The following DYRK1A variants were observed in gnomAD, a reference collection of about 807,000 sequenced individuals.
The protein encoded by DYRK1A is dual specificity tyrosine phosphorylation regulated kinase 1A, also known as dual specificity tyrosine-phosphorylation-regulated kinase 1A.
A neutral mutation model predicts 79.7 loss-of-function variants in DYRK1A; 9 were observed. That is an observed-to-expected ratio of 0.11 (90% CI 0.07 to 0.20). The LOEUF is 0.20. DYRK1A is among the 10% of genes least tolerant of loss of function. The pLI is 1.00. For synonymous variants in DYRK1A, 349 were observed against 329.7 expected, an observed-to-expected ratio of 1.06 and a Z score of -0.63; for missense variants, 622 against 956.0, an observed-to-expected ratio of 0.65 and a Z score of 4.61.
chr21:37,376,893 G>A (rs2049553686), intron 1 of DYRK1A, among the ~76,000 whole-genome samples: 1 of 151,998 alleles, frequency 6.6e-6, no homozygotes, highest in South Asian at 2.1e-4. Flanking sequence ...AATAATAACT[G>A]TTCAGTTTTT....
At chr21:37,490,701 T>TA (rs1444505883) in intron 7 of DYRK1A, among the ~76,000 whole-genome samples, 1 of 151,830 alleles carries the variant, frequency 6.6e-6, no homozygotes, top group African/African-American at 2.4e-5. Context: ...ATGTAGCACT[T>TA]AATTACCTTG....
intron 2 of DYRK1A, among the ~76,000 whole-genome samples, chr21:37,463,173 A>G (rs957691355): frequency 1.3e-4 from 17 of 131,268 alleles, no homozygotes; most frequent in South Asian, 2.5e-4. Context: ...TTGTGTGTGC[A>G]TGTGTGTGTG....
rs1368094615 is a variant in DYRK1A at position 37,514,579 on chromosome 21, TA to T, written c.*2051del. 1 of 152,626 alleles carries T rather than the reference TA, an allele frequency of 6.6e-6. No individual in the cohort carries two copies. The highest frequency in any genetic ancestry group is 1.5e-5 in the Non-Finnish European group (1 of 68,018). 9.5% of individuals were successfully genotyped at this position (152,626 alleles called of 1,614,324 possible). ...ATGTAAACAGTGAGAAAAGAAAGGC[TA>T]AACACTATGTAAATGTGAATGGAAA... is the stretch of plus-strand genomic sequence containing the variant. On this transcript the variant is annotated 3_prime_UTR_variant, in exon 12 of 12. Coordinates refer to ENST00000647188, the MANE Select transcript of DYRK1A (RefSeq NM_001347721.2).
intron 1 of DYRK1A, among the ~76,000 whole-genome samples, chr21:37,372,981 T>C (rs2049462909): frequency 6.6e-6 from 1 of 152,210 alleles, no homozygotes; most frequent in Non-Finnish European, 1.5e-5. Context: ...ATTGTAAATT[T>C]AATTTCTCCA....
chr21:37,470,286 C>T (rs143819389), intron 2 of DYRK1A, among the ~76,000 whole-genome samples: 2,087 of 152,160 alleles, frequency 0.014, 26 homozygotes, highest in Non-Finnish European at 0.023. Context: ...TTCCCCGTTT[C>T]GTGACACAGA....
chr21:37,419,074 T>G (rs1289685388), intron 1 of DYRK1A: 1 of 152,174 alleles, frequency 6.6e-6, no homozygotes, highest in African/African-American at 2.4e-5. Context: ...CTCAAATCTA[T>G]ATTATGACCC....
intron 2 of DYRK1A, among the ~76,000 whole-genome samples, chr21:37,459,518 T>A (rs1349072841): frequency 2.2e-4 from 22 of 98,622 alleles, no homozygotes. Context: ...TGAAAGTACT[T>A]TCTGTCTCAC....
At position 37,525,756 on chromosome 21, in the gene DYRK1A, T is replaced by A. The variant is rs2053963870; in HGVS notation, c.*13225T>A. 1 of 152,218 alleles carries A rather than the reference T, an allele frequency of 6.6e-6. No individual in the cohort carries two copies. The highest frequency in any genetic ancestry group is 2.1e-4 in the South Asian group (1 of 4,834). 9.4% of individuals were successfully genotyped at this position (152,218 alleles called of 1,614,324 possible). On this transcript the variant is annotated 3_prime_UTR_variant, in exon 12 of 12. Transcript: ENST00000647188. ...TGGACTTCACTATCAACAGCTCTCA[T>A]GAATTTTTGTCAGAAATATTAGCTG...
Position 37,506,147 on chromosome 21 carries a change from C to T in DYRK1A, c.1568C>T (p.Thr523Met), listed in dbSNP as rs148756105. 1.3e-4 allele frequency: 203 copies of T among 1,613,942 alleles called. No homozygotes were observed. The highest frequency in any genetic ancestry group is 5.3e-4 in the East Asian group (24 of 44,896). The change falls in exon 11 of 12, where the codon ACG becomes ATG. Residue 523 changes from threonine (T) to methionine (M), a missense_variant. Physicochemically the swap from Thr to Met is moderately conservative, Grantham distance 81. Transcript: ENST00000647188. ...SNSGRARSDP[T>M]HQHRHSGGHF... The stretch of plus-strand genomic sequence containing the variant: ...AGTGGGAGAGCCCGGTCGGATCCGA[C>T]GCACCAGCATCGGCACAGTGGTGGG...
chr21:37,495,429 G>A (rs2053238950), intron 8 of DYRK1A, among the ~76,000 whole-genome samples: 1 of 152,138 alleles, frequency 6.6e-6, no homozygotes, highest in Admixed American at 6.5e-5. Flanking sequence ...AGGCCAAGGT[G>A]GACAGATCAT....
intron 2 of DYRK1A, among the ~76,000 whole-genome samples, chr21:37,464,730 C>G (rs1332261829): frequency 6.6e-6 from 1 of 152,016 alleles, no homozygotes; most frequent in Non-Finnish European, 1.5e-5. Context: ...TTTTTGTAAG[C>G]CAAGGGTAGT....
At chr21:37,442,006 TAA>T (rs2051120711) in intron 2 of DYRK1A, among the ~76,000 whole-genome samples, 12 of 151,432 alleles carry the variant, frequency 7.9e-5, no homozygotes, top group Admixed American at 7.9e-4. Context: ...TATGGAACTC[TAA>T]ATGACACTTT....
intron 1 of DYRK1A, among the ~76,000 whole-genome samples, chr21:37,380,930 CT>C (rs770616103): frequency 6.6e-6 from 1 of 152,186 alleles, no homozygotes; most frequent in Non-Finnish European, 1.5e-5. Flanking sequence ...GGGATCATCA[CT>C]TCTATCAGCT....
chr21:37,422,381 T>C (rs886275964), intron 2 of DYRK1A, among the ~76,000 whole-genome samples: 1 of 152,210 alleles, frequency 6.6e-6, no homozygotes, highest in Non-Finnish European at 1.5e-5. Flanking sequence ...TTTATTCGAC[T>C]GATAGAATTT....
At chr21:37,486,746 C>G in intron 6 of DYRK1A, 132 bp downstream of exon 6, 3 of 911,794 alleles carry the variant, frequency 3.3e-6, no homozygotes, top group Non-Finnish European at 3.0e-6. Context: ...TTCTGTTGGA[C>G]AGCAAGATTT....
chr21:37,440,766 T>A (rs1388839969), intron 2 of DYRK1A, among the ~76,000 whole-genome samples: 1 of 152,202 alleles, frequency 6.6e-6, no homozygotes, highest in Non-Finnish European at 1.5e-5. Flanking sequence ...AGAGAACGTA[T>A]TTTGAATAAC....
intron 5 of DYRK1A, among the ~76,000 whole-genome samples, chr21:37,483,074 C>T (rs56365552): frequency 0.062 from 9,411 of 152,118 alleles, 1,024 homozygotes; most frequent in African/African-American, 0.21. Context: ...TCCTCCTCAG[C>T]TTACGAAAAT....
chr21:37,387,435 C>T (rs567270473), intron 1 of DYRK1A, among the ~76,000 whole-genome samples: 15 of 152,224 alleles, frequency 9.9e-5, no homozygotes, highest in East Asian at 3.9e-4. Context: ...TATTTCCATT[C>T]GCTTTGTTTT....
chr21:37,524,068 G>A lies in DYRK1A; in HGVS notation c.*11537G>A, dbSNP rs1196157381. 6.6e-6 allele frequency: 1 copy of A among 152,098 alleles called. No homozygotes were observed. Among genetic ancestry groups the A allele is most frequent in the African/African-American group, 2.4e-5 (1 of 41,376 alleles). 9.4% of individuals were successfully genotyped at this position (152,098 alleles called of 1,614,324 possible). A position where few individuals can be genotyped will look rare whatever the true frequency, so the allele number is the denominator to read the frequency against. On this transcript the variant is annotated 3_prime_UTR_variant, in exon 12 of 12. Transcript: ENST00000647188. ...TTTCAAATATCATTGTGCTTTTAAG[G>A]TACAATGGAGTATGAATTGTTACTG...
Sources: gnomAD v4.1 joint callset for allele counts (sites outside exome capture counted in the v4.1 genomes callset) on GRCh38, gnomAD v4.1.1 for gene constraint, MANE v1.5 for transcripts, NCBI Gene and HGNC (gene_info 2026-07-23, HGNC 2026-07-21) for gene names.